The following CERS3 variants were observed in gnomAD, a reference collection of about 807,000 sequenced individuals.
CERS3 encodes ceramide synthase 3.
Under a neutral mutation model 50.3 loss-of-function variants are expected in CERS3, and 33 were observed. That is an observed-to-expected ratio of 0.66 (90% CI 0.50 to 0.88). The LOEUF is 0.88. Among genes scored for constraint, CERS3 ranks in the 40% least tolerant of loss-of-function variants. The pLI is 0.00. For missense variants in CERS3, 470 were observed against 460.3 expected (o/e 1.02, Z -0.19); for synonymous variants, 176 against 155.2 (o/e 1.13, Z -0.99).
At position 100,490,538 on chromosome 15, in the gene CERS3, A is replaced by G. The variant is rs372844115; in HGVS notation, c.288+279T>C. ...TTTGACCATTAAAAATTAAATGTTG[A>G]CCTTTATTCCCAAATTATGGCACTG... On this transcript the variant is annotated intron_variant, in intron 4 of 11. Transcript: ENST00000679737. Among the ~76,000 whole-genome samples, 4 of 152,294 alleles carry G rather than the reference A, an allele frequency of 2.6e-5. 1 individual carries two copies. Among genetic ancestry groups the G allele is most frequent in the African/African-American group, 9.6e-5 (4 of 41,562 alleles).
rs56371131 is a variant in CERS3, at chr15:100,467,820, T to C, written c.845+1558A>G. Among the ~76,000 whole-genome samples the C allele has an allele frequency of 5.2e-4, 42 of 80,860 alleles. No individual in the cohort carries two copies. In the South Asian group the frequency reaches 5.7e-3, roughly 11 times the overall value. 53.0% of individuals were successfully genotyped at this position (80,860 alleles called of 152,430 possible). A position where few individuals can be genotyped will look rare whatever the true frequency, so the allele number is the denominator to read the frequency against. On this transcript the variant is annotated intron_variant, in intron 10 of 11. Transcript: ENST00000679737. The stretch of plus-strand genomic sequence containing the variant: ...GTATATATATATACGTCTATATATA[T>C]GTGTATATATATACGTGTATATATA...
At chr15:100,530,504 C>T (rs1039154472), upstream of CERS3, among the ~76,000 whole-genome samples, 4 of 152,216 alleles carry the variant, frequency 2.6e-5, no homozygotes, top group East Asian at 1.9e-4. Flanking sequence ...TCCCTAGCCT[C>T]GGCCCTCTCT....
At chr15:100,440,953 G>C (rs1233586696) in intron 11 of CERS3, among the ~76,000 whole-genome samples, 1 of 152,186 alleles carries the variant, frequency 6.6e-6, no homozygotes, top group Non-Finnish European at 1.5e-5. Context: ...AGGGAAGGCA[G>C]CCTTCCCTTG....
chr15:100,469,149 C>T (rs1408597041), intron 10 of CERS3, among the ~76,000 whole-genome samples: 4 of 152,208 alleles, frequency 2.6e-5, no homozygotes, highest in Admixed American at 6.5e-5. Flanking sequence ...GCTGCTTGCC[C>T]GTCAGGTCAC....
intron 1 of CERS3, among the ~76,000 whole-genome samples, chr15:100,536,446 G>A (rs1567691464): frequency 6.6e-6 from 1 of 152,018 alleles, no homozygotes; most frequent in African/African-American, 2.4e-5. Flanking sequence ...CACCATGCCT[G>A]GCTAGTTTTT....
chr15:100,468,889 G>C (rs1186860514), intron 10 of CERS3, among the ~76,000 whole-genome samples: 1 of 152,134 alleles, frequency 6.6e-6, no homozygotes, highest in East Asian at 1.9e-4. Flanking sequence ...ACAAGTATCA[G>C]TTTTCCTTAT....
chr15:100,531,462 G>C (rs532454144), upstream of CERS3, among the ~76,000 whole-genome samples: 1 of 152,206 alleles, frequency 6.6e-6, no homozygotes, highest in South Asian at 2.1e-4. Flanking sequence ...AGACTTTGTG[G>C]GAGCTGTGGA....
intron 2 of CERS3, among the ~76,000 whole-genome samples, chr15:100,502,725 C>G (rs1166054003): frequency 6.6e-6 from 1 of 152,160 alleles, no homozygotes; most frequent in Non-Finnish European, 1.5e-5. Context: ...ATTAATAAGA[C>G]AGGCTTCCTG....
intron 5 of CERS3, among the ~76,000 whole-genome samples, chr15:100,483,361 A>AC (rs781528324): frequency 3.2e-4 from 48 of 152,088 alleles, no homozygotes; most frequent in Admixed American, 9.8e-4. Context: ...CTCACATGTT[A>AC]CCCCCTTCTT....
intron 11 of CERS3, among the ~76,000 whole-genome samples, chr15:100,430,731 A>T (rs1256972722): frequency 2.5e-5 from 2 of 80,312 alleles, no homozygotes; most frequent in Non-Finnish European, 5.8e-5. Flanking sequence ...ACATTCAGTC[A>T]GTTCAATTTT....
intron 11 of CERS3, among the ~76,000 whole-genome samples, chr15:100,441,027 C>T (rs2654595): frequency 0.42 from 63,758 of 151,932 alleles, 13,568 homozygotes; most frequent in East Asian, 0.54. Flanking sequence ...TGTCAGACCA[C>T]GCAGGGATGC....
rs2035786606 is a variant in CERS3 at position 100,495,597 on chromosome 15, G to C, written c.174-4666C>G. ...GTATATCTTATTTGATGAAGTATTT[G>C]CTCAAATCTTTTGCCTATTTTTAAA... On this transcript the variant is annotated intron_variant, in intron 3 of 11. Transcript: ENST00000679737. 2.0e-5 allele frequency among the ~76,000 whole-genome samples: 3 copies of C among 151,994 alleles called. No individual in the cohort carries two copies. The South Asian group carries it at 6.2e-4, about 31-fold the overall frequency.
At chr15:100,423,822 T>C (rs2032627140) in intron 11 of CERS3, among the ~76,000 whole-genome samples, 1 of 152,180 alleles carries the variant, frequency 6.6e-6, no homozygotes, top group Admixed American at 6.5e-5. Context: ...CCTCTTCACC[T>C]TCCACCATGA....
chr15:100,490,831 T>C lies in CERS3; in HGVS notation c.274A>G (p.Arg92Gly), dbSNP rs895628556. The change falls in exon 4 of 12, where the codon AGG becomes GGG. Residue 92 changes from arginine (R) to glycine (G), a missense_variant. Physicochemically the swap from Arg to Gly is moderately radical, Grantham distance 125. Transcript: ENST00000679737. ...TTTGTACTTACTTGCAATGGTTGCC[T>C]TGTGGAATGTTTGAAAAAATTCTCT... ...VLENFFKHST[R>G]QPLQTDIYGL... 3.1e-6 allele frequency: 5 copies of C among 1,604,742 alleles called. No individual in the cohort carries two copies. Among genetic ancestry groups the C allele is most frequent in the Non-Finnish European group, 4.3e-6 (5 of 1,172,064 alleles).
chr15:100,514,275 G>A (rs1487879073), intron 2 of CERS3, among the ~76,000 whole-genome samples: 1 of 152,168 alleles, frequency 6.6e-6, no homozygotes, highest in East Asian at 1.9e-4. Context: ...CCCTTCTAAG[G>A]AAGGGAACTA....
chr15:100,456,895 C>T (rs1012384273), intron 10 of CERS3, among the ~76,000 whole-genome samples: 2 of 147,174 alleles, frequency 1.4e-5, no homozygotes, highest in Non-Finnish European at 3.0e-5. Flanking sequence ...TGCAGTGAGC[C>T]GAGATTGTGC....
intron 1 of CERS3, chr15:100,544,432 C>CG (rs1170891397): frequency 1.5e-5 from 2 of 133,976 alleles, no homozygotes; most frequent in African/African-American, 6.0e-5. Flanking sequence ...TTGACCTGCG[C>CG]GGGGTCACGG....
At position 100,521,398 on chromosome 15, in the gene CERS3, A is replaced by G. The variant is rs986543001; in HGVS notation, c.-2+269T>C. 2.6e-4 allele frequency among the ~76,000 whole-genome samples: 40 copies of G among 152,308 alleles called. 1 individual carries two copies. The highest frequency in any genetic ancestry group is 9.6e-4 in the African/African-American group (40 of 41,554). ...ATGGGGGTGGAAGACCAGAGCACAG[A>G]CAGCAAATGCCACCCCCTGATGGCT... On this transcript the variant is annotated intron_variant, in intron 2 of 11. Coordinates refer to ENST00000679737, the MANE Select transcript of CERS3 (RefSeq NM_001378789.1).
chr15:100,455,937 C>T lies in CERS3; in HGVS notation c.955G>A (p.Gly319Ser), dbSNP rs2034354369. The change falls in exon 11 of 12, where the codon GGT becomes AGT. Residue 319 changes from glycine (G) to serine (S), a missense_variant. Gly to Ser is a moderately conservative substitution (Grantham distance 56). Transcript: ENST00000679737. ...TTGAGCATCTTCAAGATGTAATAAC[C>T]CCAGTAAAGGTGAAGGACCTGCAAG... is the stretch of plus-strand genomic sequence containing the variant. ...MILQVLHLYWGYYILKMLNRC... is the reference protein window; with the variant it reads ...MILQVLHLYWSYYILKMLNRC... 2 of 1,612,568 alleles carry T rather than the reference C, an allele frequency of 1.2e-6. No individual in the cohort carries two copies. The highest frequency in any genetic ancestry group is 1.7e-5 in the Admixed American group (1 of 59,840).
Sources: gnomAD v4.1 joint callset for allele counts (sites outside exome capture counted in the v4.1 genomes callset) on GRCh38, gnomAD v4.1.1 for gene constraint, MANE v1.5 for transcripts, NCBI Gene and HGNC (gene_info 2026-07-23, HGNC 2026-07-21) for gene names.